Variants in PFKFB3 observed in about 807,000 individuals in gnomAD.
PFKFB3 encodes 6-phosphofructo-2-kinase/fructose-2,6-biphosphatase 3, also known as 6-phosphofructo-2-kinase/fructose-2,6-bisphosphatase 3.
PFKFB3 carries 33 observed loss-of-function variants against 68.0 expected under a neutral mutation model. That is an observed-to-expected ratio of 0.49 (90% confidence interval 0.37 to 0.65). PFKFB3 has a LOEUF of 0.65. Ranked by LOEUF, PFKFB3 falls within the 30% of genes least tolerant of loss-of-function variation. The pLI is 0.00. For synonymous variants in PFKFB3, 315 were observed against 288.2 expected (o/e 1.09, Z -0.94); for missense variants, 586 against 712.2 (o/e 0.82, Z 2.02).
chr10:6,189,307 T>C (rs113214202), intron 1 of PFKFB3, among the ~76,000 whole-genome samples: 1 of 152,202 alleles, frequency 6.6e-6, no homozygotes, highest in African/African-American at 2.4e-5. Flanking sequence ...GGTCACTTAT[T>C]TTTTAGAATA....
chr10:6,199,184 C>A (rs1296900411), upstream of PFKFB3, among the ~76,000 whole-genome samples: 1 of 152,224 alleles, frequency 6.6e-6, no homozygotes, highest in Non-Finnish European at 1.5e-5. Flanking sequence ...TAATGAGCAA[C>A]TTCTGATTGC....
At chr10:6,165,978 CTT>C (rs35266127) in intron 1 of PFKFB3, among the ~76,000 whole-genome samples, 9 of 124,836 alleles carry the variant, frequency 7.2e-5, no homozygotes, top group Admixed American at 8.4e-5. Flanking sequence ...CCAGGCTCAA[CTT>C]TTTTTTTTTT....
chr10:6,182,315 G>T (rs1419356422), intron 1 of PFKFB3, among the ~76,000 whole-genome samples: 2 of 152,088 alleles, frequency 1.3e-5, no homozygotes. Context: ...GGTCTAGACT[G>T]GGGGTCTGGG....
chr10:6,298,290 C>G, the PFKFB3 span, among the ~76,000 whole-genome samples: 1 of 152,058 alleles, frequency 6.6e-6, no homozygotes, highest in Non-Finnish European at 1.5e-5. Flanking sequence ...TTACCTTGGC[C>G]AATGCCCGTG....
At chr10:6,157,465 A>T (rs913994818) in intron 1 of PFKFB3, among the ~76,000 whole-genome samples, 1 of 152,116 alleles carries the variant, frequency 6.6e-6, no homozygotes, top group African/African-American at 2.4e-5. Context: ...TGACCTCGTG[A>T]TCCGCCCGCC....
intron 1 of PFKFB3, 94 bp from the exon 2 acceptor site, chr10:6,213,529 G>A (rs1466968478): frequency 1.4e-6 from 2 of 1,428,076 alleles, no homozygotes; most frequent in Non-Finnish European, 1.9e-6. Flanking sequence ...AAACATTTTT[G>A]GTGAAATTCT....
chr10:6,294,991 A>G, the PFKFB3 span, among the ~76,000 whole-genome samples: 3 of 141,624 alleles, frequency 2.1e-5, no homozygotes, highest in East Asian at 4.1e-4. Context: ...TTTTTTTATC[A>G]TGCCTTGTAA....
chr10:6,161,575 T>TAC (rs138248884), intron 1 of PFKFB3, among the ~76,000 whole-genome samples: 12 of 150,560 alleles, frequency 8.0e-5, no homozygotes, highest in African/African-American at 2.7e-4. Context: ...TGTATATATA[T>TAC]ACACACACAC....
At chr10:6,283,987 A>T in the PFKFB3 span, among the ~76,000 whole-genome samples, 1 of 152,150 alleles carries the variant, frequency 6.6e-6, no homozygotes, top group Non-Finnish European at 1.5e-5. Context: ...GCTCACGGAG[A>T]CAGAGCAGAG....
intron 1 of PFKFB3, among the ~76,000 whole-genome samples, chr10:6,213,317 C>T (rs2073628): frequency 0.88 from 134,470 of 152,130 alleles, 60,112 homozygotes; most frequent in Non-Finnish European, 0.95. Flanking sequence ...ACCAGGACTT[C>T]GAGACCAGCC....
At chr10:6,252,130 G>T (rs1382513539) in intron 14 of PFKFB3, among the ~76,000 whole-genome samples, 2 of 152,224 alleles carry the variant, frequency 1.3e-5, no homozygotes, top group African/African-American at 2.4e-5. Flanking sequence ...TTCCTACGGA[G>T]TGGCTAATAC....
At chr10:6,257,934 C>T (rs528202194), downstream of PFKFB3, among the ~76,000 whole-genome samples, 4 of 152,242 alleles carry the variant, frequency 2.6e-5, no homozygotes, top group East Asian at 5.8e-4. Context: ...AGCACAATGG[C>T]TCTGGGAGCC....
chr10:6,248,628 CAAAAA>C (rs1215741346), intron 14 of PFKFB3, among the ~76,000 whole-genome samples: 12 of 71,872 alleles, frequency 1.7e-4, no homozygotes, highest in African/African-American at 3.5e-4. Context: ...GACTCCATCT[CAAAAA>C]AAAAAAAAAA....
chr10:6,176,736 A>G (rs1842485835), intron 1 of PFKFB3, among the ~76,000 whole-genome samples: 1 of 152,228 alleles, frequency 6.6e-6, no homozygotes, highest in Non-Finnish European at 1.5e-5. Flanking sequence ...CTTGGGTGCC[A>G]GGAGACATGG....
chr10:6,150,153 C>T (rs753814229), intron 1 of PFKFB3, among the ~76,000 whole-genome samples: 14 of 152,250 alleles, frequency 9.2e-5, no homozygotes, highest in Non-Finnish European at 1.3e-4. Flanking sequence ...ATAACCAGAC[C>T]GGAACACTCA....
chr10:6,192,366 C>CCTTTTTTTT (rs1564609433), intron 1 of PFKFB3, among the ~76,000 whole-genome samples: 1 of 113,070 alleles, frequency 8.8e-6, no homozygotes, highest in Non-Finnish European at 1.8e-5. Flanking sequence ...TTTCTTTCTT[C>CCTTTTTTTT]TTTTTTTTTT....
chr10:6,177,532 T>C (rs1588426737), intron 1 of PFKFB3, among the ~76,000 whole-genome samples: 1 of 141,612 alleles, frequency 7.1e-6, no homozygotes, highest in Admixed American at 7.1e-5. Context: ...TTCTTTTTCT[T>C]TTTTTTTTTT....
chr10:6,172,349 C>A lies in PFKFB3; in HGVS notation c.16+27336C>A, dbSNP rs1223886772. Among the ~76,000 whole-genome samples, 16 of 152,212 alleles carry A rather than the reference C, an allele frequency of 1.1e-4. 1 individual carries two copies. Reference sequence around the variant, plus strand: ...AGAGGAGTCCAAGCTGGGTGCAGTTCCTCTGCTGCAGCCCTGAGCTGGGCA... The same window carrying A: ...AGAGGAGTCCAAGCTGGGTGCAGTTACTCTGCTGCAGCCCTGAGCTGGGCA... On this transcript the variant is annotated intron_variant, in intron 1 of 14. Transcript: ENST00000379789.
the PFKFB3 span, among the ~76,000 whole-genome samples, chr10:6,318,983 T>A: frequency 9.9e-5 from 15 of 152,136 alleles, no homozygotes; most frequent in African/African-American, 3.4e-4. Flanking sequence ...TCCCATACCC[T>A]AACACGGAGG....
Sources: gnomAD v4.1 joint callset for allele counts (sites outside exome capture counted in the v4.1 genomes callset) on GRCh38, gnomAD v4.1.1 for gene constraint, MANE v1.5 for transcripts, NCBI Gene and HGNC (gene_info 2026-07-23, HGNC 2026-07-21) for gene names.